CENPL: variants seen among roughly 807,000 people sequenced by gnomAD.
CENPL encodes the protein interphase centromere complex protein 33.
A neutral mutation model predicts 35.2 loss-of-function variants in CENPL; 20 were observed. The observed-to-expected ratio is 0.57, with a 90% confidence interval of 0.40 to 0.83. The LOEUF is 0.83. Ranked by LOEUF, CENPL falls within the 40% of genes least tolerant of loss-of-function variation. The probability of loss-of-function intolerance (pLI) is 0.00; values close to 1 mark genes in which losing one functional copy is unlikely to be tolerated. For missense variants in CENPL, 363 were observed against 395.8 expected (o/e 0.92, Z 0.70); for synonymous variants, 140 against 140.6 (o/e 1.00, Z 0.03).
In CENPL at chr1:173,803,039, T is replaced by C; in HGVS notation, c.887A>G (p.Lys296Arg). The C allele has an allele frequency of 6.2e-7, 1 of 1,613,886 alleles. No homozygotes were observed. The highest frequency in any genetic ancestry group is 8.5e-7 in the Non-Finnish European group (1 of 1,179,748). ...CLYSHFHRHF[K>R]IHLSATRLVR... ...TAATCTTGTGGCTGATAAATGAATT[T>C]TGAAATGTCTATGGAAATGTGAATA... The change falls in exon 5 of 6, where the codon AAA becomes AGA. Residue 296 changes from lysine to arginine, a missense_variant. Lys to Arg is a conservative substitution (Grantham distance 26, BLOSUM62 2). Transcript: ENST00000682279.
intron 2 of CENPL, among the ~76,000 whole-genome samples, chr1:173,821,557 G>A (rs1378399717): frequency 6.6e-6 from 1 of 152,140 alleles, no homozygotes; most frequent in Non-Finnish European, 1.5e-5. Context: ...CATGTCAATT[G>A]TGTATTTAAT....
chr1:173,820,981 G>A (rs1161237629), intron 2 of CENPL, among the ~76,000 whole-genome samples: 1 of 152,090 alleles, frequency 6.6e-6, no homozygotes, highest in East Asian at 1.9e-4. Context: ...GTGAATACAT[G>A]ACTCTACACC....
At position 173,824,296 on chromosome 1, in the gene CENPL, C is replaced by T. The variant is rs1404982171; in HGVS notation, c.-186G>A. ...AAAGGACAGTGCGTCCCAACCCGTCCCTCTCCAGCTGAGCCTGTCAGAGAC... is the reference window on the plus strand; with the variant it reads ...AAAGGACAGTGCGTCCCAACCCGTCTCTCTCCAGCTGAGCCTGTCAGAGAC... On this transcript the variant is annotated 5_prime_UTR_variant, in exon 1 of 6. Coordinates refer to ENST00000682279, the MANE Select transcript of CENPL (RefSeq NM_001387287.1). 6.6e-6 allele frequency: 1 copy of T among 152,284 alleles called. No homozygotes were observed. Among genetic ancestry groups the T allele is most frequent in the Non-Finnish European group, 1.5e-5 (1 of 68,084 alleles). The allele number at this position is 152,284 out of a possible 1,614,324, so 9.4% of individuals were successfully genotyped here.
In CENPL at chr1:173,807,338, T is replaced by A. The variant is rs12086855; in HGVS notation, c.349A>T (p.Ile117Phe). The change falls in exon 4 of 6, where the codon ATC becomes TTC. Residue 117 changes from isoleucine (I) to phenylalanine (F), a missense_variant. By Grantham distance (21) the Ile-to-Phe change is conservative. Transcript: ENST00000682279. ...LAVEVGEDFN[I>F]KVIFSTLLGM... is the part of the protein sequence containing the mutation. ...AGGAGAGTAGAAAAAATCACTTTGA[T>A]GTTGAAGTCTTCTCCCACTTCCACA... The A allele has an allele frequency of 4.8e-4, 781 of 1,613,850 alleles. 4 individuals are homozygous for A. The African/African-American group carries it at 9.7e-3, about 20-fold the overall frequency.
intron 2 of CENPL, among the ~76,000 whole-genome samples, chr1:173,814,619 C>T (rs558581951): frequency 3.2e-4 from 48 of 152,186 alleles, no homozygotes; most frequent in Non-Finnish European, 6.0e-4. Flanking sequence ...GAAATAAAGA[C>T]GTTCTTTGAA....
chr1:173,813,878 G>T lies in CENPL; in HGVS notation c.-7-2572C>A, dbSNP rs964084377. The stretch of plus-strand genomic sequence containing the variant: ...ATACCCCCATTAAAAGACACAGACC[G>T]GCAAATTGGATAAACAGTCAAGACC... On this transcript the variant is annotated intron_variant, in intron 2 of 5. Coordinates refer to ENST00000682279, the MANE Select transcript of CENPL (RefSeq NM_001387287.1). 2.0e-5 allele frequency among the ~76,000 whole-genome samples: 3 copies of T among 151,920 alleles called. No homozygotes were observed. In the East Asian group the frequency reaches 5.8e-4, roughly 29 times the overall value.
At chr1:173,817,989 T>C (rs1050403693) in intron 2 of CENPL, among the ~76,000 whole-genome samples, 4 of 151,886 alleles carry the variant, frequency 2.6e-5, no homozygotes, top group African/African-American at 9.7e-5. Context: ...GAATATCACA[T>C]ACCGGGGCCT....
intron 2 of CENPL, among the ~76,000 whole-genome samples, chr1:173,812,810 G>A (rs900974535): frequency 1.3e-5 from 2 of 152,196 alleles, no homozygotes; most frequent in African/African-American, 4.8e-5. Context: ...AACAAAGCTG[G>A]ATGGAGAATG....
chr1:173,806,586 A>T (rs1650253537), intron 4 of CENPL: 1 of 302,952 alleles, frequency 3.3e-6, no homozygotes, highest in Non-Finnish European at 6.6e-6. Context: ...CCTGTCTCAA[A>T]AAAATAAAAT....
chr1:173,802,019 T>A, intron 5 of CENPL, among the ~76,000 whole-genome samples: 1 of 144,536 alleles, frequency 6.9e-6, no homozygotes, highest in African/African-American at 2.8e-5. Context: ...TGAGATTCTG[T>A]CTCAAAAAAA....
chr1:173,817,315 A>C (rs9425421), intron 2 of CENPL, among the ~76,000 whole-genome samples: 13,837 of 152,210 alleles, frequency 0.091, 2,032 homozygotes, highest in African/African-American at 0.31. Flanking sequence ...CAAGAAAAAA[A>C]CAAACAACCC....
intron 3 of CENPL, 77 bp downstream of exon 3, chr1:173,811,055 T>C (rs1287233424): frequency 3.0e-6 from 4 of 1,345,916 alleles, no homozygotes; most frequent in Admixed American, 3.8e-5. Flanking sequence ...AAGAATACTA[T>C]AGTTACAAAA....
chr1:173,824,132 A>T (rs1020613709), intron 1 of CENPL, 80 bp downstream of exon 1: 4 of 152,090 alleles, frequency 2.6e-5, no homozygotes, highest in Non-Finnish European at 5.9e-5. Flanking sequence ...AGAGACACAA[A>T]CGCACCCAGG....
At chr1:173,806,798 C>T (rs1302635969) in intron 4 of CENPL, among the ~76,000 whole-genome samples, 2 of 152,076 alleles carry the variant, frequency 1.3e-5, no homozygotes, top group African/African-American at 4.8e-5. Context: ...GCTGGGATTA[C>T]AGGCATGAGC....
chr1:173,811,266 T>A lies in CENPL; in HGVS notation c.34A>T (p.Ser12Cys). The A allele has an allele frequency of 6.2e-7, 1 of 1,612,158 alleles. No homozygotes were observed. The highest frequency in any genetic ancestry group is 8.5e-7 in the Non-Finnish European group (1 of 1,178,304). Residue 12 changes from serine to cysteine, a missense_variant, in exon 3 of 6, where the codon AGT becomes TGT. Physicochemically the swap from Ser to Cys is moderately radical, Grantham distance 112. Transcript: ENST00000682279. ...TAATCTTCAGGTCTTGAGGATGCAC[T>A]AGGAGTTGACTCTGGTGCACTGTAA... Reference protein sequence around the residue: ...DSYSAPESTPSASSRPEDYFI... With the variant: ...DSYSAPESTPCASSRPEDYFI...
At chr1:173,822,199 C>A (rs1652017837) in intron 2 of CENPL, 1 of 152,188 alleles carries the variant, frequency 6.6e-6, no homozygotes, top group African/African-American at 2.4e-5. Context: ...TCTATCACTA[C>A]AAAGAAACTG....
intron 2 of CENPL, chr1:173,823,624 A>G (rs1379591139): frequency 6.6e-6 from 1 of 152,166 alleles, no homozygotes; most frequent in Non-Finnish European, 1.5e-5. Context: ...TCTCCTCAGA[A>G]GTTTTCCTGA....
At chr1:173,819,865 GTTTGT>G (rs910590571) in intron 2 of CENPL, among the ~76,000 whole-genome samples, 4 of 148,978 alleles carry the variant, frequency 2.7e-5, no homozygotes, top group African/African-American at 9.9e-5. Flanking sequence ...CTAATTTTTT[GTTTGT>G]TTTTTTTTTT....
In CENPL at chr1:173,803,657, G is replaced by C. The variant is rs533910420; in HGVS notation, c.421-152C>G. On this transcript the variant is annotated intron_variant, in intron 4 of 5. Transcript: ENST00000682279. ...GAATAGTCTCCCTAATGATTAACAG[G>C]GCTTATCAAAATAATTGGCCTTTTT... 6 of 704,182 alleles carry C rather than the reference G, an allele frequency of 8.5e-6. No individual in the cohort carries two copies. The African/African-American group carries it at 1.1e-4, about 13-fold the overall frequency. 43.6% of individuals were successfully genotyped at this position (704,182 alleles called of 1,614,324 possible).
Sources: gnomAD v4.1 joint callset for allele counts (sites outside exome capture counted in the v4.1 genomes callset) on GRCh38, gnomAD v4.1.1 for gene constraint, MANE v1.5 for transcripts, NCBI Gene and HGNC (gene_info 2026-07-23, HGNC 2026-07-21) for gene names.